HTR2C: variants seen among roughly 807,000 people sequenced by gnomAD.
HTR2C encodes the protein 5-hydroxytryptamine (serotonin) receptor 2C, G protein-coupled.
Under a neutral mutation model 21.0 loss-of-function variants are expected in HTR2C, and 5 were observed. The ratio of observed to expected loss-of-function variants is 0.24; its 90% CI spans 0.12 to 0.50. HTR2C has a LOEUF of 0.50. Ranked by LOEUF, HTR2C falls within the 20% of genes least tolerant of loss-of-function variation. The pLI, the probability that HTR2C is intolerant of heterozygous loss-of-function variation, is 0.98. For missense variants in HTR2C, 271 were observed against 371.2 expected, an observed-to-expected ratio of 0.73 and a Z score of 2.22; for synonymous variants, 150 against 145.3, an observed-to-expected ratio of 1.03 and a Z score of -0.23.
chrX:114,752,977 C>A (rs140146763), intron 4 of HTR2C, among the ~76,000 whole-genome samples: 5 of 111,254 alleles, frequency 4.5e-5, no homozygotes, highest in Non-Finnish European at 9.4e-5. Context: ...CCCTGCTGAT[C>A]TCCTCTAAAT....
At chrX:114,600,724 CATA>C (rs1329682863) in intron 1 of HTR2C, among the ~76,000 whole-genome samples, 4 of 111,169 alleles carry the variant, frequency 3.6e-5, no homozygotes, top group Admixed American at 9.6e-5. Context: ...ACTTTTGTAG[CATA>C]ATAAGTGATT....
At chrX:114,823,560 C>T (rs1252659511) in intron 4 of HTR2C, 2 of 340,982 alleles carry the variant, frequency 5.9e-6, no homozygotes, top group East Asian at 9.7e-5. Flanking sequence ...CAGCCCACTT[C>T]GTCATGACAG....
At chrX:114,812,298 G>A (rs2070539834) in intron 4 of HTR2C, among the ~76,000 whole-genome samples, 1 of 111,366 alleles carries the variant, frequency 9.0e-6, no homozygotes, top group East Asian at 2.8e-4. Context: ...AAAACTCTGT[G>A]GTTACCCCCA....
At chrX:114,768,976 C>G in intron 4 of HTR2C, among the ~76,000 whole-genome samples, 1 of 110,571 alleles carries the variant, frequency 9.0e-6, no homozygotes, top group Non-Finnish European at 1.9e-5. Flanking sequence ...TCATATGACA[C>G]TTCTAGCTTT....
At chrX:114,802,034 G>A (rs1211762936) in intron 4 of HTR2C, among the ~76,000 whole-genome samples, 2 of 110,681 alleles carry the variant, frequency 1.8e-5, no homozygotes, top group African/African-American at 3.3e-5. Context: ...AAGTAGTAGT[G>A]CAATGAGATA....
chrX:114,589,292 T>C (rs781995814), intron 1 of HTR2C, among the ~76,000 whole-genome samples: 7 of 111,728 alleles, frequency 6.3e-5, no homozygotes, highest in Non-Finnish European at 9.4e-5. Context: ...GAGAATGTAC[T>C]GTTAATGCTG....
intron 2 of HTR2C, among the ~76,000 whole-genome samples, chrX:114,685,035 T>C (rs1931866808): frequency 9.3e-6 from 1 of 107,439 alleles, no homozygotes; most frequent in Non-Finnish European, 2.0e-5. Flanking sequence ...AGAGCAGTAA[T>C]ACAATTTGTA....
At chrX:114,666,270 G>A (rs1556410878) in intron 2 of HTR2C, among the ~76,000 whole-genome samples, 2 of 111,936 alleles carry the variant, frequency 1.8e-5, no homozygotes, top group East Asian at 5.6e-4. Context: ...TCAACTGTCT[G>A]TATGAAATGG....
chrX:114,826,841 C>T (rs1240801949), intron 4 of HTR2C, among the ~76,000 whole-genome samples: 10 of 110,941 alleles, frequency 9.0e-5, no homozygotes, highest in African/African-American at 2.3e-4. Context: ...TTATGTCTAC[C>T]GTGTTTTGTT....
chrX:114,628,538 C>T (rs782252015), intron 2 of HTR2C, among the ~76,000 whole-genome samples: 2 of 106,243 alleles, frequency 1.9e-5, no homozygotes, highest in Non-Finnish European at 3.8e-5. Flanking sequence ...GGATTACAGG[C>T]GTGAGCCACC....
chrX:114,659,402 C>G (rs1047198552), intron 2 of HTR2C, among the ~76,000 whole-genome samples: 1 of 111,751 alleles, frequency 8.9e-6, no homozygotes, highest in Admixed American at 9.6e-5. Flanking sequence ...CATCCCATCT[C>G]CTCACCATCA....
At chrX:114,820,769 C>A (rs1447816341) in intron 4 of HTR2C, among the ~76,000 whole-genome samples, 14 of 110,768 alleles carry the variant, frequency 1.3e-4, no homozygotes, top group African/African-American at 4.6e-4. Flanking sequence ...TCTGAGGCCT[C>A]CCCAGCCATG....
chrX:114,645,716 AT>A (rs782556204), intron 2 of HTR2C, among the ~76,000 whole-genome samples: 33 of 111,744 alleles, frequency 3.0e-4, no homozygotes, highest in Non-Finnish European at 6.2e-4. Context: ...AATGCAAAAG[AT>A]TGTGGTGATT....
chrX:114,732,081 C>T (rs1379852065), intron 4 of HTR2C, among the ~76,000 whole-genome samples: 8 of 111,762 alleles, frequency 7.2e-5, no homozygotes, highest in African/African-American at 2.6e-4. Context: ...AATAGCTATT[C>T]TTCTTGTTCA....
chrX:114,832,720 GA>G (rs1368665942), intron 4 of HTR2C, among the ~76,000 whole-genome samples: 2 of 34,247 alleles, frequency 5.8e-5, no homozygotes, highest in East Asian at 0.022. Context: ...GTCCTGGCCA[GA>G]ACTTCCAACA....
At chrX:114,699,033 T>G (rs1167530472) in intron 2 of HTR2C, among the ~76,000 whole-genome samples, 1 of 111,858 alleles carries the variant, frequency 8.9e-6, no homozygotes, top group Non-Finnish European at 1.9e-5. Context: ...GAGGGGAGTC[T>G]CTATATATAG....
chrX:114,711,620 C>T (rs1932893527), intron 2 of HTR2C, among the ~76,000 whole-genome samples: 1 of 111,709 alleles, frequency 9.0e-6, no homozygotes, highest in African/African-American at 3.2e-5. Context: ...GTGAACAATA[C>T]CTTGATGAAA....
intron 5 of HTR2C, among the ~76,000 whole-genome samples, chrX:114,894,230 T>G (rs915523923): frequency 8.0e-5 from 9 of 112,035 alleles, no homozygotes; most frequent in Non-Finnish European, 1.3e-4. Context: ...AAAACTACTT[T>G]ATTCATAATA....
intron 1 of HTR2C, among the ~76,000 whole-genome samples, chrX:114,585,760 C>T (rs1927363593): frequency 9.0e-6 from 1 of 111,081 alleles, no homozygotes; most frequent in Non-Finnish European, 1.9e-5. Context: ...GAATCACTGC[C>T]AGTACCGCGC....
Sources: gnomAD v4.1 joint callset for allele counts (sites outside exome capture counted in the v4.1 genomes callset) on GRCh38, gnomAD v4.1.1 for gene constraint, MANE v1.5 for transcripts, NCBI Gene and HGNC (gene_info 2026-07-23, HGNC 2026-07-21) for gene names.